NUP85: variants seen among roughly 807,000 people sequenced by gnomAD.
NUP85 encodes the protein nuclear pore complex protein Nup85.
A neutral mutation model predicts 92.8 loss-of-function variants in NUP85; 23 were observed. The ratio of observed to expected loss-of-function variants is 0.25; its 90% confidence interval spans 0.18 to 0.35. The LOEUF is 0.35. NUP85 is among the 10% of genes least tolerant of loss of function. NUP85 has a pLI of 1.00. For synonymous variants in NUP85, 314 were observed against 306.9 expected, an observed-to-expected ratio of 1.02 and a Z score of -0.24; for missense variants, 759 against 822.8, an observed-to-expected ratio of 0.92 and a Z score of 0.95.
chr17:75,235,602 G>A lies in NUP85; in HGVS notation c.1894G>A (p.Val632Met), dbSNP rs1341883954. 1 of 1,614,122 alleles carries A rather than the reference G, an allele frequency of 6.2e-7. No individual in the cohort carries two copies. The highest frequency in any genetic ancestry group is 1.1e-5 in the South Asian group (1 of 91,082). The change falls in exon 19 of 19, where the codon GTG becomes ATG. Residue 632 changes from valine to methionine, a missense_variant. Coordinates refer to ENST00000245544, the MANE Select transcript of NUP85 (RefSeq NM_024844.5). ...GGATGATGACATAGAGACCACCAAGGTGGAAATGCTGAGACTTTCTCTGGC... is the reference window on the plus strand; with the variant it reads ...GGATGATGACATAGAGACCACCAAGATGGAAATGCTGAGACTTTCTCTGGC... ...LQDDDIETTK[V>M]EMLRLSLARN...
At chr17:75,218,158 G>A in intron 6 of NUP85, 27 bp from the exon 7 acceptor site, 1 of 1,613,342 alleles carries the variant, frequency 6.2e-7, no homozygotes, top group South Asian at 1.1e-5. Context: ...TGAGGCTTTT[G>A]TGTGTGATGA....
chr17:75,232,299 A>C (rs185244445), intron 14 of NUP85, among the ~76,000 whole-genome samples: 21 of 152,288 alleles, frequency 1.4e-4, no homozygotes, highest in Admixed American at 1.3e-3. Context: ...TGCTATTGCT[A>C]GCTCAGCCTG....
At position 75,209,824 on chromosome 17, in the gene NUP85, A is replaced by G; in HGVS notation, c.129A>G (p.Glu43=). ...LVCETSFNKK[E]KSEMVPSCPF... is the part of the protein sequence containing the mutation. ...TTTTTTTTTTCTGTTTGGTTTCAGA[A>G]AAATCAGAGATGGTGCCAAGTTGCC... Residue 43 remains glutamate (E), a splice_region_variant and synonymous_variant, in exon 3 of 19, where the codon GAA becomes GAG. Transcript: ENST00000245544. 1 of 1,575,736 alleles carries G rather than the reference A, an allele frequency of 6.3e-7. No homozygotes were observed. The highest frequency in any genetic ancestry group is 8.6e-7 in the Non-Finnish European group (1 of 1,169,492).
At chr17:75,207,821 C>T (rs1353660653) in intron 1 of NUP85, among the ~76,000 whole-genome samples, 2 of 151,814 alleles carry the variant, frequency 1.3e-5, no homozygotes, top group African/African-American at 4.8e-5. Context: ...AACCCCATCT[C>T]TACTAAAAAA....
intron 10 of NUP85, 94 bp from the exon 11 acceptor site, chr17:75,225,957 G>C: frequency 6.3e-7 from 1 of 1,594,200 alleles, no homozygotes; most frequent in Non-Finnish European, 8.6e-7. Context: ...GAAAGAACAA[G>C]GCACCTTCTC....
In NUP85 at chr17:75,231,666, A is replaced by G. The variant is rs4486943; in HGVS notation, c.1244+28A>G. ...AGGAAGGACCCCATGGGTGTGGGCT[A>G]TGCGGGTGCTCTTCAGCATGCGGGT... On this transcript the variant is annotated intron_variant, in intron 13 of 18. Coordinates refer to ENST00000245544, the MANE Select transcript of NUP85 (RefSeq NM_024844.5). This position sits in a 1 kb window ranked among gnomAD's most constrained non-coding sequence, Gnocchi z 4.6. 64,061 of 1,570,708 alleles carry G rather than the reference A, an allele frequency of 0.041. 1,460 individuals are homozygous for G. The highest frequency in any genetic ancestry group is 0.044 in the Non-Finnish European group (52,236 of 1,176,864).
At chr17:75,209,477 C>T (rs1458735789) in intron 2 of NUP85, among the ~76,000 whole-genome samples, 4 of 148,690 alleles carry the variant, frequency 2.7e-5, no homozygotes, top group African/African-American at 1.0e-4. Context: ...GACGGAGTCT[C>T]GCTCTGTCCA....
In NUP85 at chr17:75,205,686, A is replaced by C. The variant is rs528081289; in HGVS notation, c.-76A>C. The C allele has an allele frequency of 2.5e-6, 4 of 1,575,086 alleles. No homozygotes were observed. The African/African-American group carries it at 4.0e-5, about 16-fold the overall frequency. Reference sequence around the variant, plus strand: ...ACGCCCAGGCGGAGTCTTGTCTCGCAGCCAGCTCTGAGCGGGAGGCCTGAG... The same window carrying C: ...ACGCCCAGGCGGAGTCTTGTCTCGCCGCCAGCTCTGAGCGGGAGGCCTGAG... On this transcript the variant is annotated 5_prime_UTR_variant, in exon 1 of 19. Transcript: ENST00000245544.
chr17:75,232,829 CCTTTT>C lies in NUP85; in HGVS notation c.1397-15_1397-11del, dbSNP rs771768808. On this transcript the variant is annotated splice_polypyrimidine_tract_variant and intron_variant, in intron 14 of 18. Transcript: ENST00000245544. ...TGATTTGTGGAGTGAAAGCCGTTTACCTTTTCTTTTCCCCTGCAAAGTTCGCAGCA... is the reference window on the plus strand; with the variant it reads ...TGATTTGTGGAGTGAAAGCCGTTTACCTTTTCCCCTGCAAAGTTCGCAGCA... The C allele has an allele frequency of 1.2e-6, 2 of 1,606,798 alleles. No individual in the cohort carries two copies. The highest frequency in any genetic ancestry group is 2.7e-5 in the African/African-American group (2 of 74,760).
chr17:75,235,607 A>C lies in NUP85; in HGVS notation c.1899A>C (p.Glu633Asp). The C allele has an allele frequency of 6.2e-7, 1 of 1,614,110 alleles. No homozygotes were observed. Among genetic ancestry groups the C allele is most frequent in the African/African-American group, 1.3e-5 (1 of 75,062 alleles). The change falls in exon 19 of 19, where the codon GAA becomes GAC. Residue 633 changes from glutamate (E) to aspartate (D), a missense_variant. Transcript: ENST00000245544. The stretch of plus-strand genomic sequence containing the variant: ...ATGACATAGAGACCACCAAGGTGGA[A>C]ATGCTGAGACTTTCTCTGGCACGAA... ...QDDDIETTKV[E>D]MLRLSLARNL...
chr17:75,210,593 T>C lies in NUP85; in HGVS notation c.290+608T>C, dbSNP rs545862416. Among the ~76,000 whole-genome samples the C allele has an allele frequency of 9.8e-5, 15 of 152,326 alleles. No homozygotes were observed. In the East Asian group the frequency reaches 2.7e-3, roughly 27 times the overall value. On this transcript the variant is annotated intron_variant, in intron 3 of 18. Transcript: ENST00000245544. ...TCCCTTCACATGGATGGCTAGGGAA[T>C]GGGCAGTGTTGGTATGTTACTTCTT... is the stretch of plus-strand genomic sequence containing the variant.
intron 11 of NUP85, chr17:75,228,051 T>A (rs948748095): frequency 2.9e-5 from 7 of 238,094 alleles, no homozygotes; most frequent in Non-Finnish European, 4.1e-5. Flanking sequence ...ACACCATCGT[T>A]TGGCTTTGTT....
Position 75,215,753 on chromosome 17 carries a change from G to A in NUP85, c.406-1G>A. ...GAAACCTGTCCCCATTTCTTCCTTA[G>A]GTCTCCATTTTGTCAGCAATGGAGC... On this transcript the variant is annotated splice_acceptor_variant, in intron 5 of 18. Coordinates refer to ENST00000245544, the MANE Select transcript of NUP85 (RefSeq NM_024844.5). LOFTEE classifies it high-confidence loss of function. 1 of 1,613,788 alleles carries A rather than the reference G, an allele frequency of 6.2e-7. No homozygotes were observed. Among genetic ancestry groups the A allele is most frequent in the Non-Finnish European group, 8.5e-7 (1 of 1,179,754 alleles).
intron 7 of NUP85, among the ~76,000 whole-genome samples, chr17:75,219,708 G>A (rs2145316666): frequency 6.6e-6 from 1 of 152,206 alleles, no homozygotes; most frequent in East Asian, 1.9e-4. Flanking sequence ...ACATAGGCTA[G>A]TACCATGTAT....
chr17:75,224,571 G>A (rs1396464010), intron 7 of NUP85, among the ~76,000 whole-genome samples: 3 of 151,902 alleles, frequency 2.0e-5, no homozygotes, highest in Admixed American at 6.6e-5. Context: ...GGTGGCTCAC[G>A]CCTGTAATCC....
At chr17:75,233,192 G>A in intron 16 of NUP85, 34 bp downstream of exon 16, 1 of 1,581,152 alleles carries the variant, frequency 6.3e-7, no homozygotes, top group East Asian at 2.2e-5. Flanking sequence ...TGTGCTTTGG[G>A]CACAAGTGGG....
chr17:75,220,894 T>TC (rs1383332190), intron 7 of NUP85, among the ~76,000 whole-genome samples: 1 of 148,922 alleles, frequency 6.7e-6, no homozygotes, highest in Non-Finnish European at 1.5e-5. Context: ...TTTTTTTTTT[T>TC]TTTTTTAGCT....
chr17:75,208,835 TGG>T (rs2075170486), intron 2 of NUP85, among the ~76,000 whole-genome samples: 1 of 152,078 alleles, frequency 6.6e-6, no homozygotes, highest in Non-Finnish European at 1.5e-5. Context: ...CTCTACCTCT[TGG>T]GCTCAAGTGA....
chr17:75,207,206 G>C (rs1404650574), intron 1 of NUP85, among the ~76,000 whole-genome samples: 1 of 150,292 alleles, frequency 6.7e-6, no homozygotes, highest in South Asian at 2.1e-4. Flanking sequence ...CTCTTGAGGC[G>C]GAGTTTCCCT....
Sources: gnomAD v4.1 joint callset for allele counts (sites outside exome capture counted in the v4.1 genomes callset) on GRCh38, gnomAD v4.1.1 for gene constraint, Gnocchi (gnomAD v3.1) non-coding constraint, MANE v1.5 for transcripts, NCBI Gene and HGNC (gene_info 2026-07-23, HGNC 2026-07-21) for gene names.